Variants in ANKRD36B observed in about 807,000 individuals in gnomAD.
ANKRD36B encodes ankyrin repeat domain 36B.
Under a neutral mutation model 135.7 loss-of-function variants are expected in ANKRD36B, and 37 were observed. The observed-to-expected ratio is 0.27, with a 90% CI of 0.21 to 0.36. The LOEUF (loss-of-function observed/expected upper bound fraction) is 0.36. Among genes scored for constraint, ANKRD36B ranks in the 10% least tolerant of loss-of-function variants. The probability of loss-of-function intolerance (pLI) is 1.00; values close to 1 mark genes in which losing one functional copy is unlikely to be tolerated. For synonymous variants in ANKRD36B, 179 were observed against 348.1 expected (o/e 0.51, Z 5.41); for missense variants, 549 against 1,037.1 (o/e 0.53, Z 6.46).
At chr2:97,578,820 A>G in intron 5 of ANKRD36B, 86 bp downstream of exon 5, 1 of 1,500,392 alleles carries the variant, frequency 6.7e-7, no homozygotes, top group South Asian at 1.4e-5. Flanking sequence ...AAACTATGCA[A>G]TCTCACCTGA....
chr2:97,540,333 AG>A lies in ANKRD36B; in HGVS notation c.1886-105del. ...CAAGCTGTATCCTTCTGCCTGTACT[AG>A]GGTAGGATTTGATGTTTCCTACTTT... On this transcript the variant is annotated intron_variant, in intron 28 of 43. Transcript: ENST00000359901. The A allele has an allele frequency of 2.6e-6, 2 of 764,644 alleles. 1 individual carries two copies. Among genetic ancestry groups the A allele is most frequent in the Admixed American group, 4.4e-5 (2 of 44,950 alleles). The allele number at this position is 764,644 out of a possible 1,614,324, so 47.4% of individuals were successfully genotyped here.
chr2:97,537,864 C>G (rs2078968194), intron 32 of ANKRD36B, among the ~76,000 whole-genome samples: 1 of 96,508 alleles, frequency 1.0e-5, no homozygotes, highest in South Asian at 2.4e-4. Context: ...TCCATAGAAA[C>G]ATGCTCTGAA....
chr2:97,527,162 G>A lies in ANKRD36B; in HGVS notation c.2266-3695C>T, dbSNP rs1396693388. 3.2e-5 allele frequency among the ~76,000 whole-genome samples: 3 copies of A among 95,100 alleles called. 1 individual carries two copies. Among genetic ancestry groups the A allele is most frequent in the East Asian group, 2.3e-4 (1 of 4,270 alleles). The allele number at this position is 95,100 out of a possible 152,430, so 62.4% of individuals were successfully genotyped here. A position where few individuals can be genotyped will look rare whatever the true frequency, so the allele number is the denominator to read the frequency against. The stretch of plus-strand genomic sequence containing the variant: ...TTAAGGGCAACCAGAGAGAAAGGTC[G>A]GGTTACCCACAAAGGGAAGCCCATC... On this transcript the variant is annotated intron_variant, in intron 35 of 43. Transcript: ENST00000359901.
In ANKRD36B at chr2:97,535,966, G is replaced by A. The variant is rs2078866014; in HGVS notation, c.2191+334C>T. Among the ~76,000 whole-genome samples the A allele has an allele frequency of 2.1e-5, 2 of 94,236 alleles. 1 individual carries two copies. Among genetic ancestry groups the A allele is most frequent in the Non-Finnish European group, 5.6e-5 (2 of 35,730 alleles). The allele number at this position is 94,236 out of a possible 152,430, so 61.8% of individuals were successfully genotyped here. A position where few individuals can be genotyped will look rare whatever the true frequency, so the allele number is the denominator to read the frequency against. On this transcript the variant is annotated intron_variant, in intron 34 of 43. Coordinates refer to ENST00000359901, the MANE Select transcript of ANKRD36B (RefSeq NM_001393939.1). ...TGTAATCCCAGCTACTCGGGAGGCTGAGGCAGGAGAATTGCTTGAACCAGG... is the reference window on the plus strand; with the variant it reads ...TGTAATCCCAGCTACTCGGGAGGCTAAGGCAGGAGAATTGCTTGAACCAGG...
chr2:97,547,644 A>T, intron 21 of ANKRD36B, 36 bp from the exon 22 acceptor site: 1 of 1,555,784 alleles, frequency 6.4e-7, no homozygotes, highest in Non-Finnish European at 8.7e-7. Flanking sequence ...TAAATTAATA[A>T]AGTATGTTTC....
At chr2:97,563,376 T>C (rs2442258) in intron 6 of ANKRD36B, among the ~76,000 whole-genome samples, 2 of 151,510 alleles carry the variant, frequency 1.3e-5, no homozygotes, top group Non-Finnish European at 2.9e-5. Context: ...GGAACACAAA[T>C]ATTTTCACTT....
At position 97,589,708 on chromosome 2, in the gene ANKRD36B, T is replaced by G. The variant is rs1425864001; in HGVS notation, c.-23A>C. On this transcript the variant is annotated 5_prime_UTR_variant, in exon 1 of 44. Transcript: ENST00000359901. Reference sequence around the variant, plus strand: ...CATGAGGGTGGGCCACCTCTCCCGCTCGTCGTCTTCCTTAATCGTCGGCTG... The same window carrying G: ...CATGAGGGTGGGCCACCTCTCCCGCGCGTCGTCTTCCTTAATCGTCGGCTG... The G allele has an allele frequency of 6.2e-7, 1 of 1,613,946 alleles. No homozygotes were observed. Among genetic ancestry groups the G allele is most frequent in the Non-Finnish European group, 8.5e-7 (1 of 1,179,990 alleles).
At chr2:97,557,249 A>G in intron 10 of ANKRD36B, 117 bp from the exon 11 acceptor site, 1 of 1,422,788 alleles carries the variant, frequency 7.0e-7, no homozygotes, top group South Asian at 1.4e-5. Context: ...GTAGGATTTG[A>G]TGTTTTACAG....
intron 26 of ANKRD36B, among the ~76,000 whole-genome samples, chr2:97,543,090 A>G (rs546787139): frequency 1.8e-4 from 27 of 152,274 alleles, no homozygotes; most frequent in African/African-American, 6.0e-4. Flanking sequence ...AACTAAAATC[A>G]ACAAAACGTG....
chr2:97,557,851 T>A (rs1411983034), intron 10 of ANKRD36B, among the ~76,000 whole-genome samples: 1 of 151,784 alleles, frequency 6.6e-6, no homozygotes, highest in Non-Finnish European at 1.5e-5. Flanking sequence ...AAATTTGACA[T>A]ACTTATACAA....
chr2:97,556,092 A>G (rs2080496995), intron 12 of ANKRD36B, among the ~76,000 whole-genome samples: 1 of 151,924 alleles, frequency 6.6e-6, no homozygotes, highest in Non-Finnish European at 1.5e-5. Context: ...TGTCTGCAAA[A>G]TTAGTCTACT....
At chr2:97,585,997 C>A (rs570498145) in intron 1 of ANKRD36B, among the ~76,000 whole-genome samples, 1 of 152,110 alleles carries the variant, frequency 6.6e-6, no homozygotes, top group Admixed American at 6.5e-5. Flanking sequence ...TTATTTATTA[C>A]ATTTATAACT....
At chr2:97,527,707 A>C (rs2078297640) in intron 35 of ANKRD36B, among the ~76,000 whole-genome samples, 1 of 95,962 alleles carries the variant, frequency 1.0e-5, no homozygotes, top group South Asian at 2.4e-4. Flanking sequence ...AGGATGGAGG[A>C]AGATCTACCA....
chr2:97,562,527 TTC>T (rs2081121380), intron 6 of ANKRD36B, among the ~76,000 whole-genome samples: 1 of 152,030 alleles, frequency 6.6e-6, no homozygotes. Flanking sequence ...TCCTTGTAAC[TTC>T]TGCTTCTGCT....
intron 1 of ANKRD36B, among the ~76,000 whole-genome samples, chr2:97,586,863 G>T (rs2083037703): frequency 6.6e-6 from 1 of 152,096 alleles, no homozygotes; most frequent in Admixed American, 6.5e-5. Context: ...GTTCACAGAA[G>T]ATACCAATAA....
chr2:97,516,179 CAGAT>C (rs1192210477), intron 36 of ANKRD36B, among the ~76,000 whole-genome samples: 4 of 39,390 alleles, frequency 1.0e-4, no homozygotes, highest in African/African-American at 3.1e-4. Flanking sequence ...GTTATAAACT[CAGAT>C]AGGTCCTGTA....
chr2:97,546,270 T>C (rs2079452828), intron 22 of ANKRD36B, among the ~76,000 whole-genome samples: 1 of 151,768 alleles, frequency 6.6e-6, no homozygotes, highest in Admixed American at 6.6e-5. Context: ...ACCATTATAC[T>C]ACAAACATTC....
intron 1 of ANKRD36B, among the ~76,000 whole-genome samples, chr2:97,587,671 A>T (rs2083114071): frequency 6.6e-6 from 1 of 152,198 alleles, no homozygotes; most frequent in South Asian, 2.1e-4. Context: ...AGTATAACGG[A>T]ATTGATGGGT....
intron 5 of ANKRD36B, among the ~76,000 whole-genome samples, chr2:97,577,010 T>C (rs7563002): frequency 0.011 from 1,621 of 152,206 alleles, 38 homozygotes; most frequent in African/African-American, 0.036. Flanking sequence ...TTGCTTATTG[T>C]TCTATTATTT....
Sources: gnomAD v4.1 joint callset for allele counts (sites outside exome capture counted in the v4.1 genomes callset) on GRCh38, gnomAD v4.1.1 for gene constraint, MANE v1.5 for transcripts, NCBI Gene and HGNC (gene_info 2026-07-23, HGNC 2026-07-21) for gene names.